PCLO: variants seen among roughly 807,000 people sequenced by gnomAD.
PCLO encodes protein piccolo.
A neutral mutation model predicts 427.5 loss-of-function variants in PCLO; 82 were observed. That is an observed-to-expected ratio of 0.19 (90% CI 0.16 to 0.23). The LOEUF (loss-of-function observed/expected upper bound fraction) is 0.23. Among genes scored for constraint, PCLO ranks in the 10% least tolerant of loss-of-function variants. The pLI, the probability that PCLO is intolerant of heterozygous loss-of-function variation, is 1.00. For synonymous variants in PCLO, 2,357 were observed against 2,155.4 expected (o/e 1.09, Z -2.59); for missense variants, 6,239 against 6,115.9 (o/e 1.02, Z -0.67).
Position 82,955,056 on chromosome 7 carries a change from T to C in PCLO, c.5897A>G (p.Asn1966Ser), listed in dbSNP as rs373738590. ...IYESLVEDTY[N>S]GSVDGSLLTR... ...TAGCAGACTGCCATCTACCGATCCA[T>C]TGTACGTGTCTTCTACTAAAGATTC... is the stretch of plus-strand genomic sequence containing the variant. Residue 1966 changes from asparagine to serine, a missense_variant, in exon 5 of 25, where the codon AAT (asparagine) becomes AGT (serine). Asn to Ser is a conservative substitution (Grantham distance 46, BLOSUM62 1). Coordinates refer to ENST00000333891, the MANE Select transcript of PCLO (RefSeq NM_033026.6). 6 of 1,613,742 alleles carry C rather than the reference T, an allele frequency of 3.7e-6. No individual in the cohort carries two copies. The African/African-American group carries it at 5.3e-5, about 14-fold the overall frequency.
At chr7:83,080,879 T>C (rs1455134300) in intron 3 of PCLO, among the ~76,000 whole-genome samples, 3 of 151,856 alleles carry the variant, frequency 2.0e-5, no homozygotes, top group African/African-American at 7.2e-5. Flanking sequence ...TATGAAAAAG[T>C]TTAATTTATA....
At chr7:82,988,230 G>T (rs2115822280) in intron 3 of PCLO, among the ~76,000 whole-genome samples, 1 of 151,964 alleles carries the variant, frequency 6.6e-6, no homozygotes, top group Non-Finnish European at 1.5e-5. Flanking sequence ...AGGGCTCACT[G>T]TACTGTCCAG....
intron 10 of PCLO, among the ~76,000 whole-genome samples, chr7:82,854,201 TTACTGAG>T (rs1792742267): frequency 6.6e-6 from 1 of 152,106 alleles, no homozygotes; most frequent in Non-Finnish European, 1.5e-5. Flanking sequence ...GGTGTCCCCC[TTACTGAG>T]TTTCTTTTCT....
At chr7:82,980,670 G>T (rs888063434) in intron 3 of PCLO, among the ~76,000 whole-genome samples, 1 of 152,224 alleles carries the variant, frequency 6.6e-6, no homozygotes, top group East Asian at 1.9e-4. Flanking sequence ...AAGAGGATAA[G>T]TTTACCCTGA....
At chr7:83,148,064 C>A (rs1792038331) in intron 2 of PCLO, among the ~76,000 whole-genome samples, 2 of 152,210 alleles carry the variant, frequency 1.3e-5, no homozygotes, top group South Asian at 4.1e-4. Context: ...ATGCTCATTC[C>A]TTTACATCCA....
At position 82,953,508 on chromosome 7, in the gene PCLO, G is replaced by C; in HGVS notation, c.7445C>G (p.Ala2482Gly). ...GLPVTRICTTAPPPVPPKPSS... is the reference protein window; with the variant it reads ...GLPVTRICTTGPPPVPPKPSS... ...TGGCTTAGGAGGAACAGGAGGAGGT[G>C]CAGTAGTACATATTCTTGTAACAGG... The change falls in exon 5 of 25, where the codon GCA becomes GGA. Residue 2482 changes from alanine (A) to glycine (G), a missense_variant. Ala to Gly is a moderately conservative substitution (Grantham distance 60). Transcript: ENST00000333891. The C allele has an allele frequency of 6.2e-7, 1 of 1,613,474 alleles. No homozygotes were observed. Among genetic ancestry groups the C allele is most frequent in the Non-Finnish European group, 8.5e-7 (1 of 1,179,762 alleles).
intron 10 of PCLO, among the ~76,000 whole-genome samples, chr7:82,854,647 A>C (rs1792754619): frequency 6.6e-6 from 1 of 152,152 alleles, no homozygotes; most frequent in Admixed American, 6.6e-5. Context: ...CTTATATGCT[A>C]TGATAATATA....
intron 21 of PCLO, among the ~76,000 whole-genome samples, chr7:82,805,414 T>A (rs956402642): frequency 2.6e-5 from 4 of 152,222 alleles, no homozygotes; most frequent in Admixed American, 1.3e-4. Flanking sequence ...CTGAACTTTA[T>A]TCTGGCATGG....
chr7:82,969,066 T>C (rs1795846167), intron 3 of PCLO, among the ~76,000 whole-genome samples: 1 of 152,148 alleles, frequency 6.6e-6, no homozygotes, highest in African/African-American at 2.4e-5. Flanking sequence ...CAAATTATTC[T>C]TAAAAAATTG....
chr7:82,947,053 T>A (rs1795220208), intron 6 of PCLO, among the ~76,000 whole-genome samples: 1 of 152,138 alleles, frequency 6.6e-6, no homozygotes, highest in Admixed American at 6.5e-5. Context: ...GTAAACCCTT[T>A]TCTCCCCCTC....
intron 6 of PCLO, among the ~76,000 whole-genome samples, chr7:82,940,899 A>T (rs1248365597): frequency 6.6e-6 from 1 of 150,772 alleles, no homozygotes; most frequent in Non-Finnish European, 1.5e-5. Context: ...AGTAGCTGGG[A>T]CTACAGGTGC....
At chr7:82,919,400 G>C (rs995613740) in intron 6 of PCLO, among the ~76,000 whole-genome samples, 4 of 152,064 alleles carry the variant, frequency 2.6e-5, no homozygotes, top group Non-Finnish European at 5.9e-5. Flanking sequence ...CATCTGTCAA[G>C]GCTGGCTCCA....
chr7:83,133,524 T>C (rs1167928298), intron 3 of PCLO, among the ~76,000 whole-genome samples: 8 of 152,066 alleles, frequency 5.3e-5, no homozygotes, highest in East Asian at 3.9e-4. Context: ...GTCATTTACA[T>C]TGCAGAAAAA....
intron 10 of PCLO, among the ~76,000 whole-genome samples, chr7:82,871,346 C>T (rs1024532127): frequency 2.0e-5 from 3 of 151,726 alleles, no homozygotes; most frequent in African/African-American, 4.8e-5. Flanking sequence ...GTGAAATAAG[C>T]CAGACACAGA....
At chr7:83,112,478 A>G (rs1267139382) in intron 3 of PCLO, among the ~76,000 whole-genome samples, 3 of 152,218 alleles carry the variant, frequency 2.0e-5, no homozygotes, top group African/African-American at 7.2e-5. Flanking sequence ...TAGATATACA[A>G]AAGAATGAAT....
At chr7:83,025,597 C>G (rs1788472107) in intron 3 of PCLO, among the ~76,000 whole-genome samples, 1 of 152,126 alleles carries the variant, frequency 6.6e-6, no homozygotes, top group Admixed American at 6.5e-5. Context: ...TCAGGAAATA[C>G]AGAGAATGCC....
intron 2 of PCLO, among the ~76,000 whole-genome samples, chr7:83,139,183 C>CA (rs1228462215): frequency 2.0e-5 from 3 of 151,588 alleles, no homozygotes; most frequent in African/African-American, 4.9e-5. Context: ...TAAACCTTCA[C>CA]AAAAAATAAA....
intron 20 of PCLO, among the ~76,000 whole-genome samples, chr7:82,811,838 G>A (rs1270713225): frequency 6.6e-6 from 1 of 151,292 alleles, no homozygotes; most frequent in Non-Finnish European, 1.5e-5. Flanking sequence ...TTTGTAAGTC[G>A]TTAGGCATGG....
In PCLO at chr7:82,949,694, G is replaced by A; in HGVS notation, c.10894C>T (p.Pro3632Ser). The A allele has an allele frequency of 6.2e-7, 1 of 1,613,868 alleles. No homozygotes were observed. Residue 3632 changes from proline to serine, a missense_variant, in exon 6 of 25, where the codon CCA becomes TCA. This residue lies in a region of PCLO where 4,677 missense variants were observed against 4,468.4 expected (regional missense o/e 1.05). Transcript: ENST00000333891. ...VLYSPISPLS[P>S]GKALESAFVP... Reference sequence around the variant, plus strand: ...AAGGCTGATTCTAAGGCTTTGCCTGGTGAAAGTGGTGAGATGGGTGAGTAA... The same window carrying A: ...AAGGCTGATTCTAAGGCTTTGCCTGATGAAAGTGGTGAGATGGGTGAGTAA...
Sources: gnomAD v4.1 joint callset for allele counts (sites outside exome capture counted in the v4.1 genomes callset) on GRCh38, gnomAD v4.1.1 for gene constraint, gnomAD v4.1.1 regional missense constraint, MANE v1.5 for transcripts, NCBI Gene and HGNC (gene_info 2026-07-23, HGNC 2026-07-21) for gene names.